DNAJC5: variants seen among roughly 807,000 people sequenced by gnomAD.
DNAJC5 encodes the protein DnaJ heat shock protein family (Hsp40) member C5.
In DNAJC5, 1 loss-of-function variant was observed where a neutral mutation model predicts 23.2. That is an observed-to-expected ratio of 0.04 (90% CI 0.02 to 0.20). The LOEUF is 0.20. Ranked by LOEUF, DNAJC5 falls within the 10% of genes least tolerant of loss-of-function variation. DNAJC5 has a pLI of 1.00. For synonymous variants in DNAJC5, 136 were observed against 120.0 expected, an observed-to-expected ratio of 1.13 and a Z score of -0.87; for missense variants, 180 against 267.0, an observed-to-expected ratio of 0.67 and a Z score of 2.27.
At chr20:63,899,880 CTTTTTTTTTT>C (rs1206952926) in intron 1 of DNAJC5, among the ~76,000 whole-genome samples, 8 of 114,808 alleles carry the variant, frequency 7.0e-5, no homozygotes, top group Non-Finnish European at 1.1e-4. Context: ...TGCGCCTGGG[CTTTTTTTTTT>C]TTTTTTTTTT....
At position 63,920,549 on chromosome 20, in the gene DNAJC5, C is replaced by T. The variant is rs945837493; in HGVS notation, c.-11-7786C>T. ...CCGCCATTTCAGAAGCTCAGCGTCC[C>T]TGCACGTGTGCGGTCTTGTCTGCCT... On this transcript the variant is annotated intron_variant, in intron 1 of 4. Transcript: ENST00000360864. The surrounding 1 kb of genome is among the most constrained non-coding windows in gnomAD (Gnocchi z 4.6). Among the ~76,000 whole-genome samples the T allele has an allele frequency of 6.6e-6, 1 of 152,276 alleles. No homozygotes were observed. The highest frequency in any genetic ancestry group is 1.5e-5 in the Non-Finnish European group (1 of 68,048).
At chr20:63,898,267 G>T (rs958599516) in intron 1 of DNAJC5, among the ~76,000 whole-genome samples, 1 of 152,200 alleles carries the variant, frequency 6.6e-6, no homozygotes, top group Non-Finnish European at 1.5e-5. Context: ...AATGCAGTGG[G>T]GCGGGGAGTC....
Position 63,929,160 on chromosome 20 carries a change from C to A in DNAJC5, c.108-152C>A. On this transcript the variant is annotated intron_variant, in intron 2 of 4. Coordinates refer to ENST00000360864, the MANE Select transcript of DNAJC5 (RefSeq NM_025219.3). The surrounding 1 kb of genome is among the most constrained non-coding windows in gnomAD (Gnocchi z 8.6). Reference sequence around the variant, plus strand: ...CCGCGGAGCTTGCTTTTGTCCCTGGCCCCTGCAGCCCTGGAGAGTCGGACA... The same window carrying A: ...CCGCGGAGCTTGCTTTTGTCCCTGGACCCTGCAGCCCTGGAGAGTCGGACA... 1 of 910,698 alleles carries A rather than the reference C, an allele frequency of 1.1e-6. No individual in the cohort carries two copies. The allele number at this position is 910,698 out of a possible 1,614,324, so 56.4% of individuals were successfully genotyped here.
Position 63,928,040 on chromosome 20 carries a change from C to G in DNAJC5, c.-11-295C>G, listed in dbSNP as rs2053630274. Reference sequence around the variant, plus strand: ...TCATAGCTCACTGCAGCCTCAAACTCCTGGGCTCAAGCGGTCCTCCCGCCT... The same window carrying G: ...TCATAGCTCACTGCAGCCTCAAACTGCTGGGCTCAAGCGGTCCTCCCGCCT... On this transcript the variant is annotated intron_variant, in intron 1 of 4. Coordinates refer to ENST00000360864, the MANE Select transcript of DNAJC5 (RefSeq NM_025219.3). The surrounding 1 kb of genome is among the most constrained non-coding windows in gnomAD (Gnocchi z 4.6). 1.3e-5 allele frequency among the ~76,000 whole-genome samples: 2 copies of G among 152,220 alleles called. No individual in the cohort carries two copies. The highest frequency in any genetic ancestry group is 1.3e-4 in the Admixed American group (2 of 15,274).
intron 1 of DNAJC5, among the ~76,000 whole-genome samples, chr20:63,918,815 C>T (rs915575005): frequency 2.6e-5 from 4 of 152,176 alleles, no homozygotes; most frequent in African/African-American, 4.8e-5. Context: ...AGGATGGTCT[C>T]GATCTCCTGA....
intron 1 of DNAJC5, among the ~76,000 whole-genome samples, chr20:63,916,442 G>C (rs910565791): frequency 1.3e-5 from 2 of 152,350 alleles, no homozygotes; most frequent in African/African-American, 2.4e-5. Context: ...AAGGATTTCA[G>C]AAGGGGAGGG....
At chr20:63,906,785 CAA>C (rs543357067) in intron 1 of DNAJC5, among the ~76,000 whole-genome samples, 1 of 151,388 alleles carries the variant, frequency 6.6e-6, no homozygotes, top group Non-Finnish European at 1.5e-5. Flanking sequence ...GACTCTGTCT[CAA>C]AAAAAATTAA....
chr20:63,925,623 A>G (rs1331784648), intron 1 of DNAJC5, among the ~76,000 whole-genome samples: 2 of 151,938 alleles, frequency 1.3e-5, no homozygotes, highest in Non-Finnish European at 2.9e-5. Flanking sequence ...GTCAGGCTTT[A>G]AACTGTCTTT....
rs897919168 is a variant in DNAJC5, at chr20:63,929,156, C to T, written c.108-156C>T. ...ACAACCGCGGAGCTTGCTTTTGTCC[C>T]TGGCCCCTGCAGCCCTGGAGAGTCG... On this transcript the variant is annotated intron_variant, in intron 2 of 4. Transcript: ENST00000360864. This position sits in a 1 kb window ranked among gnomAD's most constrained non-coding sequence, Gnocchi z 8.6. 1.3e-5 allele frequency among the ~76,000 whole-genome samples: 2 copies of T among 152,176 alleles called. No individual in the cohort carries two copies. The highest frequency in any genetic ancestry group is 2.9e-5 in the Non-Finnish European group (2 of 68,026).
chr20:63,906,402 A>G (rs999717164), intron 1 of DNAJC5, among the ~76,000 whole-genome samples: 5 of 152,104 alleles, frequency 3.3e-5, no homozygotes, highest in South Asian at 2.1e-4. Flanking sequence ...AGGCAGGACA[A>G]TTGCTTAAAC....
At position 63,927,546 on chromosome 20, in the gene DNAJC5, A is replaced by C. The variant is rs867331827; in HGVS notation, c.-11-789A>C. 2.2e-3 allele frequency among the ~76,000 whole-genome samples: 315 copies of C among 142,648 alleles called. 3 individuals carry two copies. The highest frequency in any genetic ancestry group is 7.1e-3 in the African/African-American group (274 of 38,576). The allele number at this position is 142,648 out of a possible 152,430, so 93.6% of individuals were successfully genotyped here. On this transcript the variant is annotated intron_variant, in intron 1 of 4. Transcript: ENST00000360864. ...CAAGAGCAAAACTGTCCCCCCCCCCAAAAAAGAAAGAAAGAAACTGTGTGT... is the reference window on the plus strand; with the variant it reads ...CAAGAGCAAAACTGTCCCCCCCCCCCAAAAAGAAAGAAAGAAACTGTGTGT...
chr20:63,906,453 G>A (rs2053448814), intron 1 of DNAJC5, among the ~76,000 whole-genome samples: 1 of 152,122 alleles, frequency 6.6e-6, no homozygotes, highest in Non-Finnish European at 1.5e-5. Context: ...TTGCTCCACT[G>A]CACTCCAGCT....
chr20:63,924,384 G>A (rs1352654627), intron 1 of DNAJC5, among the ~76,000 whole-genome samples: 1 of 152,100 alleles, frequency 6.6e-6, no homozygotes, highest in Non-Finnish European at 1.5e-5. Context: ...CATAGGTCTT[G>A]TTATTTCTTT....
At chr20:63,906,647 T>G (rs555220799) in intron 1 of DNAJC5, among the ~76,000 whole-genome samples, 11 of 151,618 alleles carry the variant, frequency 7.3e-5, no homozygotes, top group African/African-American at 2.7e-4. Context: ...CCGGGTGTGA[T>G]GGTGGGCGCC....
chr20:63,908,287 G>T (rs1453428779), intron 1 of DNAJC5, among the ~76,000 whole-genome samples: 1 of 152,234 alleles, frequency 6.6e-6, no homozygotes, highest in South Asian at 2.1e-4. Context: ...CCTAGGCCAG[G>T]GGGTGAGTGT....
intron 1 of DNAJC5, among the ~76,000 whole-genome samples, chr20:63,924,003 C>T (rs536358563): frequency 6.6e-6 from 1 of 152,280 alleles, no homozygotes; most frequent in East Asian, 1.9e-4. Flanking sequence ...CTGTGCCTTT[C>T]AGTATGAATC....
intron 3 of DNAJC5, among the ~76,000 whole-genome samples, chr20:63,930,038 C>T (rs566371229): frequency 3.3e-5 from 5 of 152,228 alleles, no homozygotes; most frequent in Admixed American, 6.5e-5. Flanking sequence ...CTCGATGTTA[C>T]ATCCGCATTT....
At chr20:63,923,761 T>A (rs532657390) in intron 1 of DNAJC5, among the ~76,000 whole-genome samples, 2 of 152,320 alleles carry the variant, frequency 1.3e-5, no homozygotes, top group African/African-American at 4.8e-5. Flanking sequence ...CTTTATGTGT[T>A]GAGTGATTTT....
At chr20:63,900,329 G>A (rs2053403603) in intron 1 of DNAJC5, among the ~76,000 whole-genome samples, 1 of 152,024 alleles carries the variant, frequency 6.6e-6, no homozygotes, top group Non-Finnish European at 1.5e-5. Context: ...TGTAATCCCA[G>A]CACTTTGAGA....
Sources: allele counts gnomAD v4.1 joint callset (sites outside exome capture counted in the v4.1 genomes callset), GRCh38; gene constraint gnomAD v4.1.1; non-coding constraint Gnocchi (gnomAD v3.1); transcripts MANE v1.5; gene names NCBI Gene and HGNC (gene_info 2026-07-23, HGNC 2026-07-21).